MCC: variants seen among roughly 807,000 people sequenced by gnomAD.
MCC encodes MCC regulator of Wnt signaling pathway.
A neutral mutation model predicts 116.2 loss-of-function variants in MCC; 90 were observed. The observed-to-expected ratio is 0.77, with a 90% confidence interval of 0.65 to 0.92. MCC has a LOEUF of 0.92. MCC is among the 40% of genes least tolerant of loss of function. MCC has a pLI of 0.00. For synonymous variants in MCC, 578 were observed against 510.5 expected (o/e 1.13, Z -1.78); for missense variants, 1,516 against 1,312.2 (o/e 1.16, Z -2.40).
At chr5:113,227,670 A>G (rs1250569633) in intron 3 of MCC, among the ~76,000 whole-genome samples, 1 of 152,246 alleles carries the variant, frequency 6.6e-6, no homozygotes, top group Admixed American at 6.5e-5. Flanking sequence ...AACAAACAAT[A>G]TGGGGATGGC....
intron 3 of MCC, among the ~76,000 whole-genome samples, chr5:113,220,355 G>A (rs1465940444): frequency 2.0e-5 from 3 of 151,822 alleles, no homozygotes; most frequent in Admixed American, 6.6e-5. Context: ...CACTGCGCCC[G>A]GCCAGCATGT....
In MCC at chr5:113,204,932, G is replaced by T. The variant is rs372812059; in HGVS notation, c.628-53510C>A. Among the ~76,000 whole-genome samples, 26 of 152,324 alleles carry T rather than the reference G, an allele frequency of 1.7e-4. 3 individuals are homozygous for T. The highest frequency in any genetic ancestry group is 7.2e-4 in the Admixed American group (11 of 15,308). On this transcript the variant is annotated intron_variant, in intron 3 of 18. Transcript: ENST00000408903. ...AAAACAGTCAAACACCTAATGAAAA[G>T]TGGAACCCTGCAGTAACTCCCCCGT...
chr5:113,286,731 G>T (rs1561507277), intron 3 of MCC, among the ~76,000 whole-genome samples: 1 of 152,172 alleles, frequency 6.6e-6, no homozygotes, highest in Non-Finnish European at 1.5e-5. Flanking sequence ...GCTAACTACA[G>T]AATTTTTTTC....
intron 3 of MCC, among the ~76,000 whole-genome samples, chr5:113,198,444 C>G (rs957024462): frequency 2.6e-5 from 4 of 151,858 alleles, no homozygotes; most frequent in African/African-American, 9.7e-5. Context: ...CCTGTAATCC[C>G]AGCACTTTGG....
At chr5:113,137,227 A>G (rs1297812443) in intron 5 of MCC, among the ~76,000 whole-genome samples, 1 of 152,190 alleles carries the variant, frequency 6.6e-6, no homozygotes, top group Non-Finnish European at 1.5e-5. Context: ...TCAACCACAT[A>G]GAAAACCATC....
At chr5:113,386,943 AC>A (rs1187774329) in intron 1 of MCC, among the ~76,000 whole-genome samples, 1 of 152,032 alleles carries the variant, frequency 6.6e-6, no homozygotes, top group Non-Finnish European at 1.5e-5. Context: ...ATAAAAGTAT[AC>A]CCTTGCCTTG....
intron 2 of MCC, among the ~76,000 whole-genome samples, chr5:113,344,804 G>A (rs928393145): frequency 1.3e-5 from 2 of 152,060 alleles, no homozygotes; most frequent in Admixed American, 6.6e-5. Flanking sequence ...TGTACTTGCC[G>A]TGGGCCTTAG....
In MCC at chr5:113,459,857, C is replaced by CACACAG. The variant is rs1222829520; in HGVS notation, c.170+28387_170+28388insCTGTGT. 5.3e-4 allele frequency among the ~76,000 whole-genome samples: 77 copies of CACACAG among 146,652 alleles called. 2 individuals are homozygous for CACACAG. In the South Asian group the frequency reaches 0.015, roughly 28 times the overall value. ...ACACACACACACACACACACACACACAGGCATGCATACATATGTGCACACC... is the reference window on the plus strand; with the variant it reads ...ACACACACACACACACACACACACACACACAGAGGCATGCATACATATGTGCACACC... On this transcript the variant is annotated intron_variant, in intron 1 of 18. Transcript: ENST00000408903.
chr5:113,026,965 T>G lies in MCC; in HGVS notation c.*337A>C. ...ATGGAAAATCTTACAGAAACAAATG[T>G]CTGGGATCCCACTGATGCACAGCCG... is the stretch of plus-strand genomic sequence containing the variant. On this transcript the variant is annotated 3_prime_UTR_variant, in exon 19 of 19. Coordinates refer to ENST00000408903, the MANE Select transcript of MCC (RefSeq NM_001085377.2). 3.9e-6 allele frequency: 1 copy of G among 258,216 alleles called. No homozygotes were observed. The highest frequency in any genetic ancestry group is 1.4e-4 in the South Asian group (1 of 7,396). 16.0% of individuals were successfully genotyped at this position (258,216 alleles called of 1,614,324 possible).
chr5:113,098,045 A>G (rs1756143528), intron 8 of MCC, among the ~76,000 whole-genome samples: 1 of 152,350 alleles, frequency 6.6e-6, no homozygotes, highest in Admixed American at 6.5e-5. Flanking sequence ...TGTAAATCTG[A>G]AGAATTTCTA....
At chr5:113,189,793 T>C (rs1762067930) in intron 3 of MCC, among the ~76,000 whole-genome samples, 3 of 152,142 alleles carry the variant, frequency 2.0e-5, no homozygotes, top group Admixed American at 2.0e-4. Context: ...CAAACTTAAA[T>C]TAAATAGGCA....
chr5:113,104,311 C>T lies in MCC; in HGVS notation c.1072G>A (p.Gly358Arg). The T allele has an allele frequency of 6.2e-7, 1 of 1,613,900 alleles. No individual in the cohort carries two copies. Among genetic ancestry groups the T allele is most frequent in the Non-Finnish European group, 8.5e-7 (1 of 1,180,006 alleles). The change falls in exon 7 of 19, where the codon GGG becomes AGG. Residue 358 changes from glycine to arginine, a missense_variant. Gly to Arg is a moderately radical substitution (Grantham distance 125, BLOSUM62 -2). Transcript: ENST00000408903. ...CTGCCGCAGACAACATTCTCCAGCC[C>T]TGTCAGCACCCTCTGCAGTTCTGAG... Reference protein sequence around the residue: ...LNSELQRVLTGLENVVCGRKK... With the variant: ...LNSELQRVLTRLENVVCGRKK...
At chr5:113,306,502 G>A (rs1260318688) in intron 3 of MCC, among the ~76,000 whole-genome samples, 1 of 152,054 alleles carries the variant, frequency 6.6e-6, no homozygotes. Flanking sequence ...TCATGTGTTT[G>A]TAGGCCATTT....
intron 11 of MCC, among the ~76,000 whole-genome samples, chr5:113,073,295 G>C (rs1754172503): frequency 6.6e-6 from 1 of 152,158 alleles, no homozygotes; most frequent in Non-Finnish European, 1.5e-5. Flanking sequence ...CACATGGCGT[G>C]CGTGAGGCCC....
intron 11 of MCC, among the ~76,000 whole-genome samples, chr5:113,081,506 T>C (rs897071223): frequency 1.3e-5 from 2 of 152,180 alleles, no homozygotes; most frequent in African/African-American, 2.4e-5. Context: ...AGAAAGCAAC[T>C]GCCCTATTCA....
intron 17 of MCC, among the ~76,000 whole-genome samples, chr5:113,031,021 C>G (rs1287152248): frequency 6.6e-6 from 1 of 152,206 alleles, no homozygotes; most frequent in African/African-American, 2.4e-5. Context: ...CCAAACTGTT[C>G]AGACCCTGGT....
At chr5:113,311,731 G>A (rs1182411479) in intron 3 of MCC, among the ~76,000 whole-genome samples, 1 of 151,936 alleles carries the variant, frequency 6.6e-6, no homozygotes, top group Non-Finnish European at 1.5e-5. Context: ...CCAGCATTTT[G>A]GGAGGCTGAG....
chr5:113,263,220 T>C (rs1159445567), intron 3 of MCC, among the ~76,000 whole-genome samples: 2 of 152,174 alleles, frequency 1.3e-5, no homozygotes, highest in Admixed American at 1.3e-4. Context: ...GGTAGACAGC[T>C]TTCAAACTTG....
rs571369610 is a variant in MCC, at chr5:113,203,204, G to A, written c.628-51782C>T. 2.0e-5 allele frequency: 3 copies of A among 152,344 alleles called. No individual in the cohort carries two copies. In the South Asian group the frequency reaches 6.2e-4, roughly 32 times the overall value. 9.4% of individuals were successfully genotyped at this position (152,344 alleles called of 1,614,324 possible). On this transcript the variant is annotated intron_variant, in intron 3 of 18. Coordinates refer to ENST00000408903, the MANE Select transcript of MCC (RefSeq NM_001085377.2). ...CCTGCAAGAGGTAGACAGGCACTGT[G>A]AGCTGGGCCAGTTGCCCCGCTTGTG...
Sources: gnomAD v4.1 joint callset for allele counts (sites outside exome capture counted in the v4.1 genomes callset) on GRCh38, gnomAD v4.1.1 for gene constraint, MANE v1.5 for transcripts, NCBI Gene and HGNC (gene_info 2026-07-23, HGNC 2026-07-21) for gene names.